Variants in GRIK1 observed in about 807,000 individuals in gnomAD.
GRIK1 encodes the protein glutamate ionotropic receptor kainate type subunit 1.
A neutral mutation model predicts 105.7 loss-of-function variants in GRIK1; 69 were observed. That is an observed-to-expected ratio of 0.65 (90% CI 0.54 to 0.80). The LOEUF is 0.80. Ranked by LOEUF, GRIK1 falls within the 30% of genes least tolerant of loss-of-function variation. GRIK1 has a pLI of 0.00. For missense variants in GRIK1, 1,109 were observed against 1,167.3 expected, an observed-to-expected ratio of 0.95 and a Z score of 0.73; for synonymous variants, 438 against 431.3, an observed-to-expected ratio of 1.02 and a Z score of -0.19.
At chr21:29,657,544 C>T (rs778840974) in intron 4 of GRIK1, 3 of 152,154 alleles carry the variant, frequency 2.0e-5, no homozygotes, top group Admixed American at 2.0e-4. Context: ...GAAAAATTCC[C>T]GTTCCTTTTC....
At chr21:29,892,001 A>G (rs1475341922) in intron 1 of GRIK1, among the ~76,000 whole-genome samples, 3 of 152,234 alleles carry the variant, frequency 2.0e-5, no homozygotes, top group African/African-American at 7.2e-5. Flanking sequence ...ATTAAAGTGT[A>G]TTTGATTCTC....
intron 1 of GRIK1, among the ~76,000 whole-genome samples, chr21:29,927,123 C>T (rs564283130): frequency 6.6e-6 from 1 of 152,254 alleles, no homozygotes; most frequent in East Asian, 1.9e-4. Flanking sequence ...ACCACCAGCA[C>T]TCACAGACAT....
chr21:29,922,119 C>T (rs111713840), intron 1 of GRIK1, among the ~76,000 whole-genome samples: 87 of 152,228 alleles, frequency 5.7e-4, no homozygotes, highest in African/African-American at 1.9e-3. Context: ...CATGCAAGAT[C>T]ACCATTAATC....
At chr21:29,590,090 C>T (rs2061311373) in intron 10 of GRIK1, among the ~76,000 whole-genome samples, 1 of 152,174 alleles carries the variant, frequency 6.6e-6, no homozygotes, top group African/African-American at 2.4e-5. Flanking sequence ...AATGAATCCT[C>T]ATTTGGTTTT....
chr21:29,621,925 G>A (rs1394275070), intron 7 of GRIK1, among the ~76,000 whole-genome samples: 1 of 151,922 alleles, frequency 6.6e-6, no homozygotes, highest in African/African-American at 2.4e-5. Context: ...TCATATGTGA[G>A]GTGTTCTAAG....
chr21:29,703,868 A>T (rs1306965222), intron 1 of GRIK1, among the ~76,000 whole-genome samples: 1 of 152,192 alleles, frequency 6.6e-6, no homozygotes, highest in Non-Finnish European at 1.5e-5. Context: ...GTCACCGTTG[A>T]GACAATAACC....
intron 7 of GRIK1, among the ~76,000 whole-genome samples, chr21:29,634,625 G>GC (rs11457986): frequency 0.46 from 69,785 of 151,958 alleles, 17,149 homozygotes; most frequent in African/African-American, 0.64. Flanking sequence ...ATCTTACGGT[G>GC]CTGAGTGAAG....
intron 1 of GRIK1, among the ~76,000 whole-genome samples, chr21:29,875,164 T>G (rs561209112): frequency 2.6e-5 from 4 of 152,292 alleles, no homozygotes; most frequent in Admixed American, 1.3e-4. Context: ...AATTATAGCC[T>G]GTCTACCTTA....
At chr21:29,644,800 T>C (rs1294162064) in intron 6 of GRIK1, among the ~76,000 whole-genome samples, 1 of 152,238 alleles carries the variant, frequency 6.6e-6, no homozygotes, top group African/African-American at 2.4e-5. Context: ...ATTGAGACTT[T>C]TGGAAATGCA....
intron 1 of GRIK1, among the ~76,000 whole-genome samples, chr21:29,724,645 G>A (rs753524215): frequency 2.0e-5 from 3 of 152,160 alleles, no homozygotes; most frequent in Non-Finnish European, 4.4e-5. Flanking sequence ...GGCTGCATTT[G>A]CACAGCAATG....
intron 1 of GRIK1, among the ~76,000 whole-genome samples, chr21:29,894,577 A>C (rs1351565080): frequency 6.6e-6 from 1 of 152,094 alleles, no homozygotes; most frequent in African/African-American, 2.4e-5. Flanking sequence ...GCTGACTCAA[A>C]TGTTAATCTC....
intron 1 of GRIK1, among the ~76,000 whole-genome samples, chr21:29,938,190 C>T (rs1181567167): frequency 2.0e-5 from 3 of 152,178 alleles, no homozygotes; most frequent in South Asian, 2.1e-4. Flanking sequence ...GCTCAGGAAG[C>T]GTCACTATGC....
chr21:29,817,060 C>T (rs1286352629), intron 1 of GRIK1, among the ~76,000 whole-genome samples: 2 of 152,038 alleles, frequency 1.3e-5, no homozygotes, highest in African/African-American at 4.8e-5. Context: ...AATATTCACA[C>T]TTATTACGTA....
intron 1 of GRIK1, among the ~76,000 whole-genome samples, chr21:29,771,777 G>C (rs2065819882): frequency 6.6e-6 from 1 of 152,232 alleles, no homozygotes; most frequent in Non-Finnish European, 1.5e-5. Context: ...TATACCAGTA[G>C]TGAAAATATT....
chr21:29,894,732 C>T (rs943472157), intron 1 of GRIK1, among the ~76,000 whole-genome samples: 1 of 152,156 alleles, frequency 6.6e-6, no homozygotes, highest in Admixed American at 6.5e-5. Context: ...CAATGAGATG[C>T]AATTAAAAGA....
intron 1 of GRIK1, among the ~76,000 whole-genome samples, chr21:29,704,120 C>T (rs911017935): frequency 6.6e-6 from 1 of 152,142 alleles, no homozygotes. Context: ...TGTTATTCAA[C>T]ACTCAGTTTA....
chr21:29,554,172 AATT>A (rs1372615142), intron 16 of GRIK1, among the ~76,000 whole-genome samples: 1 of 152,162 alleles, frequency 6.6e-6, no homozygotes, highest in African/African-American at 2.4e-5. Context: ...TTTGTTCAAA[AATT>A]ATTTAGAATT....
At chr21:29,814,563 G>A (rs1385162767) in intron 1 of GRIK1, among the ~76,000 whole-genome samples, 1 of 152,032 alleles carries the variant, frequency 6.6e-6, no homozygotes, top group Non-Finnish European at 1.5e-5. Flanking sequence ...TGTCAGAGAG[G>A]ACCCCTGAAG....
chr21:29,684,253 T>C (rs1024413439), intron 3 of GRIK1, among the ~76,000 whole-genome samples: 3 of 33,218 alleles, frequency 9.0e-5, no homozygotes, highest in East Asian at 5.9e-4. Flanking sequence ...ATCTATCATC[T>C]CTATCTATCT....
Sources: gnomAD v4.1 joint callset for allele counts (sites outside exome capture counted in the v4.1 genomes callset) on GRCh38, gnomAD v4.1.1 for gene constraint, MANE v1.5 for transcripts, NCBI Gene and HGNC (gene_info 2026-07-23, HGNC 2026-07-21) for gene names.